CAMK4: variants seen among roughly 807,000 people sequenced by gnomAD.
The protein encoded by CAMK4 is calcium/calmodulin-dependent protein kinase type IV.
CAMK4 carries 22 observed loss-of-function variants against 44.9 expected under a neutral mutation model. That is an observed-to-expected ratio of 0.49 (90% CI 0.35 to 0.70). The LOEUF (loss-of-function observed/expected upper bound fraction) is 0.70, where lower values mean the gene tolerates loss of function less well. Among genes scored for constraint, CAMK4 ranks in the 30% least tolerant of loss-of-function variants. The pLI, the probability that CAMK4 is intolerant of heterozygous loss-of-function variation, is 0.01. For missense variants in CAMK4, 498 were observed against 586.8 expected (o/e 0.85, Z 1.56); for synonymous variants, 218 against 215.4 (o/e 1.01, Z -0.11).
chr5:111,423,311 G>T (rs889088692), intron 5 of CAMK4, among the ~76,000 whole-genome samples: 2 of 152,078 alleles, frequency 1.3e-5, no homozygotes, highest in African/African-American at 4.8e-5. Context: ...TTTTGAAAAA[G>T]AAATCTAATT....
At chr5:111,261,936 T>C (rs529087013) in intron 1 of CAMK4, among the ~76,000 whole-genome samples, 1 of 152,262 alleles carries the variant, frequency 6.6e-6, no homozygotes, top group Non-Finnish European at 1.5e-5. Flanking sequence ...GCAGCAAGCC[T>C]TCTCTTTTCT....
At chr5:111,247,997 T>C (rs555340540) in intron 1 of CAMK4, among the ~76,000 whole-genome samples, 8 of 152,318 alleles carry the variant, frequency 5.3e-5, no homozygotes, top group African/African-American at 1.7e-4. Flanking sequence ...CTGTTTCTCA[T>C]ACTTATTTGA....
intron 1 of CAMK4, among the ~76,000 whole-genome samples, chr5:111,253,212 G>C (rs1489882398): frequency 6.6e-6 from 1 of 152,176 alleles, no homozygotes; most frequent in Non-Finnish European, 1.5e-5. Context: ...TGGTAATTTA[G>C]TGCACCTTTC....
At chr5:111,254,946 G>A (rs766354145) in intron 1 of CAMK4, among the ~76,000 whole-genome samples, 3 of 151,988 alleles carry the variant, frequency 2.0e-5, no homozygotes, top group East Asian at 3.9e-4. Flanking sequence ...ATGCTGGGGG[G>A]AAATGTGAAG....
chr5:111,255,378 T>C (rs991112991), intron 1 of CAMK4, among the ~76,000 whole-genome samples: 6 of 152,246 alleles, frequency 3.9e-5, no homozygotes, highest in Non-Finnish European at 1.5e-5. Context: ...GTGATCTTTA[T>C]GATAATCTGA....
At chr5:111,436,524 A>C (rs902434302) in intron 5 of CAMK4, among the ~76,000 whole-genome samples, 3 of 152,186 alleles carry the variant, frequency 2.0e-5, no homozygotes, top group African/African-American at 7.2e-5. Flanking sequence ...ATGATGCTTC[A>C]TTCTGAGACT....
chr5:111,361,175 G>A (rs183841378), intron 2 of CAMK4, among the ~76,000 whole-genome samples: 3 of 152,138 alleles, frequency 2.0e-5, no homozygotes, highest in Non-Finnish European at 4.4e-5. Context: ...ACCCTAAGAT[G>A]TAATTGATGA....
rs2431742 is a variant in CAMK4 at position 111,332,541 on chromosome 5, T to A, written c.162-11483T>A. 3.3e-5 allele frequency among the ~76,000 whole-genome samples: 5 copies of A among 151,206 alleles called. No individual in the cohort carries two copies. In the East Asian group the frequency reaches 7.9e-4, roughly 24 times the overall value. On this transcript the variant is annotated intron_variant, in intron 1 of 10. Coordinates refer to ENST00000282356, the MANE Select transcript of CAMK4 (RefSeq NM_001744.6). ...TGTGAGTAGTGCTGCAATAAACATA[T>A]GTGTGCATGTGTCTTTATAGCAGCA...
chr5:111,291,281 T>C (rs1345758979), intron 1 of CAMK4, among the ~76,000 whole-genome samples: 1 of 152,146 alleles, frequency 6.6e-6, no homozygotes, highest in Admixed American at 6.5e-5. Flanking sequence ...ATTACATTTG[T>C]GATAAAAAAT....
At chr5:111,360,060 A>G (rs960452) in intron 2 of CAMK4, among the ~76,000 whole-genome samples, 45,372 of 151,984 alleles carry the variant, frequency 0.3, 8,230 homozygotes, top group Non-Finnish European at 0.4. Context: ...CTGCAAAAAA[A>G]TGTATCAGTA....
At chr5:111,268,126 A>G (rs910065135) in intron 1 of CAMK4, among the ~76,000 whole-genome samples, 3 of 152,102 alleles carry the variant, frequency 2.0e-5, no homozygotes, top group Non-Finnish European at 4.4e-5. Flanking sequence ...ACTACTCATT[A>G]TTTTTACTAC....
At chr5:111,334,230 G>T (rs1749299221) in intron 1 of CAMK4, among the ~76,000 whole-genome samples, 1 of 151,508 alleles carries the variant, frequency 6.6e-6, no homozygotes, top group Non-Finnish European at 1.5e-5. Flanking sequence ...AAATTCTAAA[G>T]GTTAGCCATT....
intron 1 of CAMK4, among the ~76,000 whole-genome samples, chr5:111,267,636 G>A (rs924852160): frequency 1.9e-4 from 28 of 149,946 alleles, no homozygotes; most frequent in Non-Finnish European, 1.8e-4. Context: ...CCCGGAAGGC[G>A]GAGCTTGCAG....
At chr5:111,231,531 A>G (rs1748477584) in intron 1 of CAMK4, among the ~76,000 whole-genome samples, 1 of 152,144 alleles carries the variant, frequency 6.6e-6, no homozygotes, top group African/African-American at 2.4e-5. Context: ...TGTTTTACAC[A>G]TTTTCTTTCA....
chr5:111,365,129 T>A (rs1201528733), intron 2 of CAMK4: 2 of 152,318 alleles, frequency 1.3e-5, no homozygotes, highest in Non-Finnish European at 2.9e-5. Context: ...TATCCTGGCT[T>A]CCTGGAAGAT....
chr5:111,288,439 G>A (rs917053004), intron 1 of CAMK4, among the ~76,000 whole-genome samples: 2 of 152,144 alleles, frequency 1.3e-5, no homozygotes, highest in Non-Finnish European at 2.9e-5. Context: ...GTGTATGAGA[G>A]TCTCCATTAC....
intron 5 of CAMK4, among the ~76,000 whole-genome samples, chr5:111,436,330 G>T (rs35037336): frequency 0.12 from 18,076 of 152,110 alleles, 1,191 homozygotes; most frequent in South Asian, 0.14. Flanking sequence ...TCTCCACTCT[G>T]ACTTAGTATG....
At chr5:111,303,638 T>G (rs1202226669) in intron 1 of CAMK4, among the ~76,000 whole-genome samples, 2 of 138,502 alleles carry the variant, frequency 1.4e-5, no homozygotes, top group Admixed American at 7.8e-5. Context: ...CTGAAAGTGA[T>G]GTGGAGAATG....
chr5:111,332,508 T>G (rs1315907862), intron 1 of CAMK4, among the ~76,000 whole-genome samples: 1 of 151,510 alleles, frequency 6.6e-6, no homozygotes, highest in African/African-American at 2.4e-5. Flanking sequence ...GTTCCAAGTC[T>G]TTGCTATTGT....
Sources: allele counts gnomAD v4.1 joint callset (sites outside exome capture counted in the v4.1 genomes callset), GRCh38; gene constraint gnomAD v4.1.1; transcripts MANE v1.5; gene names NCBI Gene and HGNC (gene_info 2026-07-23, HGNC 2026-07-21).